The following DIP2C variants were observed in gnomAD, a reference collection of about 807,000 sequenced individuals.
DIP2C encodes DIP2 acetate--CoA ligase C (putative), also known as disco-interacting protein 2 homolog C.
A neutral mutation model predicts 192.4 loss-of-function variants in DIP2C; 33 were observed. The ratio of observed to expected loss-of-function variants is 0.17; its 90% CI spans 0.13 to 0.23. The LOEUF is 0.23. DIP2C is among the 10% of genes least tolerant of loss of function. The pLI is 1.00. For missense variants in DIP2C, 1,537 were observed against 2,110.1 expected (o/e 0.73, Z 5.32); for synonymous variants, 979 against 864.1 (o/e 1.13, Z -2.33).
At chr10:515,977 G>A (rs1294481553) in intron 1 of DIP2C, among the ~76,000 whole-genome samples, 1 of 151,942 alleles carries the variant, frequency 6.6e-6, no homozygotes, top group East Asian at 2.0e-4. Flanking sequence ...ATGGCACTAA[G>A]AATATGTCTG....
chr10:543,235 C>T (rs1194837461), intron 1 of DIP2C, among the ~76,000 whole-genome samples: 1 of 152,244 alleles, frequency 6.6e-6, no homozygotes, highest in Non-Finnish European at 1.5e-5. Flanking sequence ...CCATGCTTCC[C>T]ACTCGCCTGT....
At chr10:421,861 C>G (rs1966207888) in intron 5 of DIP2C, among the ~76,000 whole-genome samples, 2 of 152,170 alleles carry the variant, frequency 1.3e-5, no homozygotes, top group South Asian at 4.1e-4. Context: ...AACTCCTGTT[C>G]CAGACAGAAA....
chr10:645,865 A>C (rs1203105763), intron 1 of DIP2C, among the ~76,000 whole-genome samples: 1 of 152,188 alleles, frequency 6.6e-6, no homozygotes, highest in Non-Finnish European at 1.5e-5. Context: ...ACTGCTGACC[A>C]CTAGGACATA....
At chr10:595,075 A>G (rs1435991499) in intron 1 of DIP2C, among the ~76,000 whole-genome samples, 1 of 152,206 alleles carries the variant, frequency 6.6e-6, no homozygotes, top group Non-Finnish European at 1.5e-5. Flanking sequence ...GGTCTTCTAC[A>G]TGGCATCAGC....
At chr10:532,440 T>C (rs1011459912) in intron 1 of DIP2C, among the ~76,000 whole-genome samples, 6 of 152,236 alleles carry the variant, frequency 3.9e-5, no homozygotes, top group African/African-American at 1.2e-4. Flanking sequence ...TGAGTCAACA[T>C]CTACCTTAGA....
chr10:343,241 A>C (rs1589544797), intron 28 of DIP2C, among the ~76,000 whole-genome samples: 2 of 152,366 alleles, frequency 1.3e-5, no homozygotes, highest in South Asian at 2.1e-4. Context: ...GTGAGCTGAG[A>C]TCGCACCACT....
At chr10:656,736 G>A (rs1020212769) in intron 1 of DIP2C, among the ~76,000 whole-genome samples, 11 of 152,132 alleles carry the variant, frequency 7.2e-5, no homozygotes, top group Non-Finnish European at 1.5e-4. Flanking sequence ...CGTGTTGAAG[G>A]AGTGACAGGA....
At chr10:480,025 G>A (rs1395766590) in intron 2 of DIP2C, among the ~76,000 whole-genome samples, 1 of 145,740 alleles carries the variant, frequency 6.9e-6, no homozygotes, top group African/African-American at 2.6e-5. Context: ...CTGGATGAGG[G>A]TTCTCATCCG....
intron 1 of DIP2C, among the ~76,000 whole-genome samples, chr10:632,865 C>T (rs1319732790): frequency 1.5e-5 from 2 of 131,182 alleles, no homozygotes; most frequent in African/African-American, 3.0e-5. Context: ...GGAGACCACG[C>T]GGGCACCGGT....
chr10:523,222 G>A (rs1289223495), intron 1 of DIP2C, among the ~76,000 whole-genome samples: 1 of 149,574 alleles, frequency 6.7e-6, no homozygotes, highest in Admixed American at 6.6e-5. Flanking sequence ...AAAGGACCCT[G>A]GAGTAAGGAT....
intron 1 of DIP2C, among the ~76,000 whole-genome samples, chr10:682,368 C>T (rs896898090): frequency 2.0e-5 from 3 of 152,190 alleles, no homozygotes; most frequent in Non-Finnish European, 4.4e-5. Flanking sequence ...TTGCCACCTC[C>T]CTCCTCAAAC....
At chr10:285,557 T>C (rs1955067950) in intron 34 of DIP2C, among the ~76,000 whole-genome samples, 1 of 152,194 alleles carries the variant, frequency 6.6e-6, no homozygotes, top group Non-Finnish European at 1.5e-5. Flanking sequence ...CTCTGCTTCC[T>C]CATAGAAGCA....
chr10:619,046 A>C (rs1337853735), intron 1 of DIP2C, among the ~76,000 whole-genome samples: 1 of 152,188 alleles, frequency 6.6e-6, no homozygotes, highest in Non-Finnish European at 1.5e-5. Flanking sequence ...TAAAATCAGA[A>C]TTCTAGTCGC....
chr10:626,139 C>T (rs1297931849), intron 1 of DIP2C, among the ~76,000 whole-genome samples: 1 of 152,230 alleles, frequency 6.6e-6, no homozygotes, highest in African/African-American at 2.4e-5. Context: ...CTAACGAGGG[C>T]TGACACTAAC....
chr10:557,497 TG>T (rs1292516066), intron 1 of DIP2C, among the ~76,000 whole-genome samples: 2 of 151,346 alleles, frequency 1.3e-5, no homozygotes, highest in African/African-American at 4.9e-5. Flanking sequence ...TGGCCTCACC[TG>T]GGCTGTCTCA....
intron 1 of DIP2C, among the ~76,000 whole-genome samples, chr10:545,166 C>CTTTTTTTTTTTTTTTTTTTTTTTTTT (rs60185327): frequency 2.3e-5 from 2 of 86,336 alleles, no homozygotes; most frequent in African/African-American, 5.7e-5. Context: ...GGTGTTTTCC[C>CTTTTTTTTTTTTTTTTTTTTTTTTTT]TTTTTTTTTT....
At chr10:554,952 C>CA (rs1034904300) in intron 1 of DIP2C, among the ~76,000 whole-genome samples, 2 of 152,000 alleles carry the variant, frequency 1.3e-5, no homozygotes, top group Admixed American at 1.3e-4. Flanking sequence ...TCGTCAGAGA[C>CA]AGAGTCTGGG....
intron 36 of DIP2C, 104 bp downstream of exon 36, chr10:281,095 TC>T (rs1317809913): frequency 3.9e-5 from 59 of 1,504,340 alleles, no homozygotes; most frequent in East Asian, 3.7e-4. Flanking sequence ...CGCACCCCCT[TC>T]CCTACCTTAA....
intron 34 of DIP2C, among the ~76,000 whole-genome samples, 197 bp downstream of exon 34, chr10:286,076 T>A (rs1955104695): frequency 6.6e-6 from 1 of 152,360 alleles, no homozygotes; most frequent in African/African-American, 2.4e-5. Context: ...GGAAGTGCCA[T>A]TTTGTAATTG....
Sources: allele counts gnomAD v4.1 joint callset (sites outside exome capture counted in the v4.1 genomes callset), GRCh38; gene constraint gnomAD v4.1.1; transcripts MANE v1.5; gene names NCBI Gene and HGNC (gene_info 2026-07-23, HGNC 2026-07-21).